Variants in KANSL2 observed in about 807,000 individuals in gnomAD.
KANSL2 encodes KAT8 regulatory NSL complex subunit 2, also known as NSL complex protein NSL2.
In KANSL2, 34 loss-of-function variants were observed where a neutral mutation model predicts 55.6. The ratio of observed to expected loss-of-function variants is 0.61; its 90% CI spans 0.46 to 0.81. The LOEUF is 0.81. Ranked by LOEUF, KANSL2 falls within the 40% of genes least tolerant of loss-of-function variation. The pLI, the probability that KANSL2 is intolerant of heterozygous loss-of-function variation, is 0.00. For synonymous variants in KANSL2, 209 were observed against 214.3 expected (o/e 0.98, Z 0.22); for missense variants, 502 against 609.9 (o/e 0.82, Z 1.86).
chr12:48,670,109 G>A (rs1318342964), intron 5 of KANSL2, among the ~76,000 whole-genome samples: 3 of 151,260 alleles, frequency 2.0e-5, no homozygotes, highest in African/African-American at 7.3e-5. Context: ...GCTGAGGCAG[G>A]AGAATCGCTT....
chr12:48,679,873 T>C, intron 2 of KANSL2, 40 bp from the exon 3 acceptor site: 1 of 1,491,176 alleles, frequency 6.7e-7, no homozygotes, highest in Non-Finnish European at 9.1e-7. Flanking sequence ...AGTTCCTTCT[T>C]GAAAGCGTTC....
chr12:48,679,893 C>T, intron 2 of KANSL2, 60 bp from the exon 3 acceptor site: 1 of 1,310,262 alleles, frequency 7.6e-7, no homozygotes, highest in Non-Finnish European at 1.1e-6. Context: ...CAATAATGTT[C>T]ACAGTCCCTA....
chr12:48,660,271 G>C (rs933841944), intron 8 of KANSL2, 95 bp downstream of exon 8: 11 of 1,348,526 alleles, frequency 8.2e-6, no homozygotes, highest in Non-Finnish European at 1.1e-5. Context: ...AAACTTTGTC[G>C]ATTCTCCTAA....
intron 8 of KANSL2, among the ~76,000 whole-genome samples, chr12:48,658,977 A>T (rs1000324787): frequency 6.6e-5 from 10 of 152,174 alleles, no homozygotes; most frequent in African/African-American, 2.4e-4. Context: ...GTCTTCCCGC[A>T]AGTAAAATCA....
At chr12:48,667,618 G>C (rs1169976138) in intron 7 of KANSL2, 75 bp downstream of exon 7, 4 of 1,198,364 alleles carry the variant, frequency 3.3e-6, no homozygotes, top group African/African-American at 1.5e-5. Flanking sequence ...CTTCAATTAA[G>C]CAAACTAGCA....
intron 4 of KANSL2, among the ~76,000 whole-genome samples, chr12:48,672,820 A>ACAACCTTGGCTCACTG (rs1939751845): frequency 6.6e-6 from 1 of 151,884 alleles, no homozygotes; most frequent in Non-Finnish European, 1.5e-5. Context: ...GTGCAGTGGC[A>ACAACCTTGGCTCACTG]CAACCTTGGC....
chr12:48,663,813 T>C (rs977590103), intron 7 of KANSL2, among the ~76,000 whole-genome samples: 2 of 152,146 alleles, frequency 1.3e-5, no homozygotes, highest in Non-Finnish European at 2.9e-5. Context: ...AAAAATTATA[T>C]ACAAATTTTC....
chr12:48,669,156 T>G lies in KANSL2; in HGVS notation c.826A>C (p.Arg276=). The stretch of plus-strand genomic sequence containing the variant: ...AGCATTCTCCGTTCCTTCAACTGCC[T>G]ATGCAGTAAGGCTTCCACTCCATAG... The part of the protein sequence containing the change: ...QRYGVEALLH[R]QLKERRMLAT... The change falls in exon 6 of 10, where the codon AGG becomes CGG. Residue 276 remains arginine, a synonymous_variant. Coordinates refer to ENST00000420613, the MANE Select transcript of KANSL2 (RefSeq NM_017822.4). 2 of 1,551,756 alleles carry G rather than the reference T, an allele frequency of 1.3e-6. No individual in the cohort carries two copies. Among genetic ancestry groups the G allele is most frequent in the Non-Finnish European group, 1.7e-6 (2 of 1,147,004 alleles).
chr12:48,655,011 A>G lies in KANSL2; in HGVS notation c.1277T>C (p.Leu426Pro). The G allele has an allele frequency of 1.3e-6, 2 of 1,587,824 alleles. No homozygotes were observed. The highest frequency in any genetic ancestry group is 1.7e-6 in the Non-Finnish European group (2 of 1,166,680). The change falls in exon 9 of 10, where the codon CTT becomes CCT. Residue 426 changes from leucine to proline, a missense_variant. Coordinates refer to ENST00000420613, the MANE Select transcript of KANSL2 (RefSeq NM_017822.4). ...DGMQCPPSPL[L>P]FDPSLTLEDH... is the part of the protein sequence containing the mutation. ...TTCAAGGGTTAGTGAAGGATCAAAA[A>G]GCAAAGGTGAAGGAGGACACTGCAT...
rs142459799 is a variant in KANSL2 at position 48,678,031 on chromosome 12, T to A, written c.545+1005A>T. Reference sequence around the variant, plus strand: ...GGAACATGCCCAACCTCCTCTGATCTCAGAAGCTAAGCAGGGTCAGGAGAA... The same window carrying A: ...GGAACATGCCCAACCTCCTCTGATCACAGAAGCTAAGCAGGGTCAGGAGAA... On this transcript the variant is annotated intron_variant, in intron 4 of 9. Transcript: ENST00000420613. Among the ~76,000 whole-genome samples, 154 of 152,224 alleles carry A rather than the reference T, an allele frequency of 1.0e-3. 1 individual carries two copies. In the East Asian group the frequency reaches 0.028, roughly 27 times the overall value.
chr12:48,672,454 C>T (rs1294705098), intron 4 of KANSL2, among the ~76,000 whole-genome samples: 3 of 129,116 alleles, frequency 2.3e-5, no homozygotes, highest in Non-Finnish European at 3.2e-5. Context: ...GAGATAAGGT[C>T]TCACTCTTGT....
At chr12:48,655,432 G>A (rs995695867) in intron 8 of KANSL2, among the ~76,000 whole-genome samples, 1 of 151,942 alleles carries the variant, frequency 6.6e-6, no homozygotes, top group Non-Finnish European at 1.5e-5. Context: ...AGCCAGGCGC[G>A]GTGGCACACA....
chr12:48,672,556 G>A (rs746369872), intron 4 of KANSL2, among the ~76,000 whole-genome samples: 29 of 150,472 alleles, frequency 1.9e-4, no homozygotes, highest in East Asian at 7.8e-4. Flanking sequence ...TCAGCCTGCC[G>A]AGTAGCTGGG....
chr12:48,682,037 A>G (rs1429643082), intron 1 of KANSL2, 150 bp downstream of exon 1: 1 of 703,000 alleles, frequency 1.4e-6, no homozygotes. Context: ...CTACGGCTCC[A>G]GTCACCGGAG....
intron 2 of KANSL2, among the ~76,000 whole-genome samples, chr12:48,680,972 G>A (rs1425140067): frequency 6.8e-6 from 1 of 148,122 alleles, no homozygotes; most frequent in East Asian, 2.0e-4. Flanking sequence ...TCTGTGCGCC[G>A]CCCCCCCGCC....
At chr12:48,677,441 C>A (rs549682825) in intron 4 of KANSL2, among the ~76,000 whole-genome samples, 1 of 152,050 alleles carries the variant, frequency 6.6e-6, no homozygotes, top group Non-Finnish European at 1.5e-5. Context: ...AGAGAGCATA[C>A]ATCTCTTCAA....
In KANSL2 at chr12:48,681,462, G is replaced by A. The variant is rs1939924379; in HGVS notation, c.171C>T (p.Pro57=). The A allele has an allele frequency of 1.2e-6, 2 of 1,613,898 alleles. No homozygotes were observed. The highest frequency in any genetic ancestry group is 1.6e-4 in the Middle Eastern group (1 of 6,062). Residue 57 remains proline, a synonymous_variant, in exon 2 of 10, where the codon CCC becomes CCT. Coordinates refer to ENST00000420613, the MANE Select transcript of KANSL2 (RefSeq NM_017822.4). ...IKHILEDKNA[P]FKQCSYISTK... ...TCGATATATAACTACACTGCTTGAAGGGTGCATTCTTGTCTTCAAGGATAT... is the reference window on the plus strand; with the variant it reads ...TCGATATATAACTACACTGCTTGAAAGGTGCATTCTTGTCTTCAAGGATAT...
At chr12:48,673,446 G>C (rs904840212) in intron 4 of KANSL2, among the ~76,000 whole-genome samples, 2 of 151,746 alleles carry the variant, frequency 1.3e-5, no homozygotes, top group African/African-American at 4.8e-5. Context: ...TATAATCCCA[G>C]CTACTCGGGA....
At chr12:48,654,290 T>A in intron 9 of KANSL2, 115 bp from the exon 10 acceptor site, 1 of 1,096,130 alleles carries the variant, frequency 9.1e-7, no homozygotes, top group Non-Finnish European at 1.4e-6. Context: ...CAACAGAAAT[T>A]AATTCTGGAC....
Sources: allele counts gnomAD v4.1 joint callset (sites outside exome capture counted in the v4.1 genomes callset), GRCh38; gene constraint gnomAD v4.1.1; transcripts MANE v1.5; gene names NCBI Gene and HGNC (gene_info 2026-07-23, HGNC 2026-07-21).